AEBP2: variants seen among roughly 807,000 people sequenced by gnomAD.
AEBP2 encodes the protein AE binding protein 2.
AEBP2 carries 10 observed loss-of-function variants against 50.8 expected under a neutral mutation model. The ratio of observed to expected loss-of-function variants is 0.20; its 90% CI spans 0.12 to 0.33. AEBP2 has a LOEUF of 0.33. Ranked by LOEUF, AEBP2 falls within the 10% of genes least tolerant of loss-of-function variation. The pLI is 1.00. For missense variants in AEBP2, 570 were observed against 688.0 expected (o/e 0.83, Z 1.92); for synonymous variants, 296 against 261.3 (o/e 1.13, Z -1.28).
At position 19,518,726 on chromosome 12, in the gene AEBP2, G is replaced by A. The variant is rs1176639331; in HGVS notation, c.*609G>A. ...TGTATTTAAGCAAACAGTGAACGAC[G>A]TTTGCAATCAACTAAAAATTCGTCT... is the stretch of plus-strand genomic sequence containing the variant. On this transcript the variant is annotated 3_prime_UTR_variant, in exon 8 of 8. Transcript: ENST00000266508. 4.0e-6 allele frequency: 6 copies of A among 1,486,448 alleles called. No individual in the cohort carries two copies. Among genetic ancestry groups the A allele is most frequent in the South Asian group, 1.3e-5 (1 of 76,474 alleles). The allele number at this position is 1,486,448 out of a possible 1,614,324, so 92.1% of individuals were successfully genotyped here. A position where few individuals can be genotyped will look rare whatever the true frequency, so the allele number is the denominator to read the frequency against.
intron 3 of AEBP2, among the ~76,000 whole-genome samples, chr12:19,492,484 C>A (rs896740107): frequency 6.6e-6 from 1 of 151,546 alleles, no homozygotes; most frequent in African/African-American, 2.4e-5. Flanking sequence ...TTGTAGAGGG[C>A]GGCATATGAC....
At position 19,439,502 on chromosome 12, in the gene AEBP2, T is replaced by C. The variant is rs996673850; in HGVS notation, c.-198T>C. 4.6e-5 allele frequency among the ~76,000 whole-genome samples: 7 copies of C among 151,776 alleles called. No homozygotes were observed. The highest frequency in any genetic ancestry group is 1.5e-4 in the African/African-American group (6 of 41,350). ...GCGCAGGCGCGCAGCAGTCTCCGTG[T>C]GAGTGCGCGTAGTCGCGCGCCTGTC... On this transcript the variant is annotated 5_prime_UTR_variant, in exon 1 of 8. Transcript: ENST00000266508.
intron 5 of AEBP2, among the ~76,000 whole-genome samples, chr12:19,509,769 G>A (rs569075020): frequency 8.7e-4 from 131 of 150,730 alleles, no homozygotes; most frequent in African/African-American, 3.0e-3. Flanking sequence ...AATTGAGACA[G>A]GGTTGTTGAA....
At chr12:19,463,656 G>T in intron 2 of AEBP2, among the ~76,000 whole-genome samples, 1 of 141,934 alleles carries the variant, frequency 7.0e-6, no homozygotes, top group Admixed American at 7.1e-5. Context: ...AAGCAGTGAT[G>T]TCATACTTGA....
intron 3 of AEBP2, among the ~76,000 whole-genome samples, chr12:19,474,946 TCA>T (rs1357945092): frequency 1.3e-5 from 2 of 152,028 alleles, no homozygotes; most frequent in Non-Finnish European, 2.9e-5. Context: ...GCATGCGCCA[TCA>T]CGCCTGGCGA....
intron 7 of AEBP2, 32 bp downstream of exon 7, chr12:19,514,816 T>C (rs1949295228): frequency 6.6e-7 from 1 of 1,526,600 alleles, no homozygotes; most frequent in African/African-American, 1.4e-5. Flanking sequence ...TGTTTTACTT[T>C]TTGATTTGTA....
At chr12:19,501,894 C>T (rs964759187) in intron 5 of AEBP2, among the ~76,000 whole-genome samples, 7 of 145,252 alleles carry the variant, frequency 4.8e-5, no homozygotes, top group African/African-American at 1.5e-4. Context: ...CAACCAACCA[C>T]GGATTGATCA....
At chr12:19,480,260 C>T (rs7966808) in intron 3 of AEBP2, among the ~76,000 whole-genome samples, 8 of 152,072 alleles carry the variant, frequency 5.3e-5, no homozygotes, top group African/African-American at 7.2e-5. Context: ...CCCACCACCA[C>T]GCCTGGCTAA....
intron 1 of AEBP2, among the ~76,000 whole-genome samples, chr12:19,448,823 G>A (rs2153367605): frequency 6.6e-6 from 1 of 152,132 alleles, no homozygotes; most frequent in South Asian, 2.1e-4. Flanking sequence ...GGAGCTACAG[G>A]CATGCACTAC....
intron 3 of AEBP2, among the ~76,000 whole-genome samples, chr12:19,481,541 G>T (rs774050464): frequency 9.8e-4 from 147 of 150,654 alleles, no homozygotes; most frequent in Admixed American, 1.9e-3. Context: ...GTACAGTCTT[G>T]GTTTATTGCA....
intron 7 of AEBP2, among the ~76,000 whole-genome samples, chr12:19,516,920 T>G (rs889370827): frequency 6.6e-6 from 1 of 152,034 alleles, no homozygotes. Flanking sequence ...TCAGCTACTC[T>G]GGAGGCTGAG....
chr12:19,513,927 C>T (rs1949275983), intron 6 of AEBP2, among the ~76,000 whole-genome samples: 2 of 136,470 alleles, frequency 1.5e-5, no homozygotes, highest in South Asian at 2.3e-4. Context: ...TTTAGTCTTA[C>T]AGGGTTTTTA....
At chr12:19,485,720 A>G (rs917693866) in intron 3 of AEBP2, among the ~76,000 whole-genome samples, 4 of 151,042 alleles carry the variant, frequency 2.6e-5, no homozygotes, top group Admixed American at 2.6e-4. Flanking sequence ...AAAAAAAAAA[A>G]AAAAGAAAAG....
chr12:19,466,476 A>G (rs1437395788), intron 2 of AEBP2, among the ~76,000 whole-genome samples: 1 of 152,202 alleles, frequency 6.6e-6, no homozygotes, highest in African/African-American at 2.4e-5. Flanking sequence ...AAACATTTTT[A>G]ATGTATAGTT....
In AEBP2 at chr12:19,439,641, G is replaced by C; in HGVS notation, c.-59G>C. 2.7e-6 allele frequency: 4 copies of C among 1,495,164 alleles called. No individual in the cohort carries two copies. Among genetic ancestry groups the C allele is most frequent in the South Asian group, 1.2e-5 (1 of 80,052 alleles). The allele number at this position is 1,495,164 out of a possible 1,614,324, so 92.6% of individuals were successfully genotyped here. On this transcript the variant is annotated 5_prime_UTR_variant, in exon 1 of 8. Coordinates refer to ENST00000266508, the MANE Select transcript of AEBP2 (RefSeq NM_153207.5). Reference sequence around the variant, plus strand: ...GTTTGGGAGGGGGGCGAGGGAGAGAGAGTCGAGAGAGGGAGGCGGCGGTGG... The same window carrying C: ...GTTTGGGAGGGGGGCGAGGGAGAGACAGTCGAGAGAGGGAGGCGGCGGTGG...
intron 5 of AEBP2, among the ~76,000 whole-genome samples, chr12:19,510,912 G>A (rs1281957362): frequency 8.2e-6 from 1 of 121,778 alleles, no homozygotes; most frequent in East Asian, 2.5e-4. Flanking sequence ...TCAGCCTGGA[G>A]TGCAGTGGCG....
chr12:19,415,259 G>A (rs1014627223), intron 1 of AEBP2, among the ~76,000 whole-genome samples: 2 of 136,772 alleles, frequency 1.5e-5, no homozygotes, highest in Non-Finnish European at 3.0e-5. Context: ...GTTGCAGTGA[G>A]ACAAGATTGT....
chr12:19,405,793 A>G (rs2095735911), intron 1 of AEBP2, among the ~76,000 whole-genome samples: 1 of 151,824 alleles, frequency 6.6e-6, no homozygotes, highest in Non-Finnish European at 1.5e-5. Context: ...CAATGAACCT[A>G]TAAACCTACA....
At chr12:19,459,836 A>G (rs1002919936) in intron 1 of AEBP2, among the ~76,000 whole-genome samples, 4 of 152,222 alleles carry the variant, frequency 2.6e-5, no homozygotes, top group Admixed American at 1.3e-4. Flanking sequence ...GACATTTTTC[A>G]TATCTGAAGC....
Sources: gnomAD v4.1 joint callset for allele counts (sites outside exome capture counted in the v4.1 genomes callset) on GRCh38, gnomAD v4.1.1 for gene constraint, MANE v1.5 for transcripts, NCBI Gene and HGNC (gene_info 2026-07-23, HGNC 2026-07-21) for gene names.